ADAMTSL1: variants seen among roughly 807,000 people sequenced by gnomAD.
ADAMTSL1 encodes ADAMTS like 1.
In ADAMTSL1, 126 loss-of-function variants were observed where a neutral mutation model predicts 201.8. The observed-to-expected ratio is 0.62, with a 90% CI of 0.54 to 0.72. The LOEUF (loss-of-function observed/expected upper bound fraction) is 0.72. Ranked by LOEUF, ADAMTSL1 falls within the 30% of genes least tolerant of loss-of-function variation. ADAMTSL1 has a pLI of 0.00. For synonymous variants in ADAMTSL1, 1,121 were observed against 903.4 expected (o/e 1.24, Z -4.32); for missense variants, 2,679 against 2,277.8 (o/e 1.18, Z -3.59).
intron 2 of ADAMTSL1, among the ~76,000 whole-genome samples, chr9:18,185,740 T>C (rs74689406): frequency 0.015 from 2,329 of 152,288 alleles, 63 homozygotes; most frequent in African/African-American, 0.052. Flanking sequence ...GTATAATCTT[T>C]GAAAGCATAA....
intron 2 of ADAMTSL1, among the ~76,000 whole-genome samples, chr9:18,338,458 GTT>G (rs144922289): frequency 6.6e-6 from 1 of 151,790 alleles, no homozygotes; most frequent in Non-Finnish European, 1.5e-5. Flanking sequence ...TTTGGCTTTT[GTT>G]TTTTTGAGAC....
intron 1 of ADAMTSL1, among the ~76,000 whole-genome samples, chr9:17,960,906 C>T (rs1817725273): frequency 6.6e-6 from 1 of 152,150 alleles, no homozygotes; most frequent in African/African-American, 2.4e-5. Context: ...ACCCATTTTT[C>T]CTTCCTTATC....
chr9:18,547,135 C>T (rs1463751708), intron 3 of ADAMTSL1, among the ~76,000 whole-genome samples: 1 of 151,778 alleles, frequency 6.6e-6, no homozygotes, highest in Non-Finnish European at 1.5e-5. Flanking sequence ...GCTCTAGGAG[C>T]AAATGAAAAT....
chr9:18,879,278 C>T (rs146018789), intron 23 of ADAMTSL1, among the ~76,000 whole-genome samples: 1 of 152,312 alleles, frequency 6.6e-6, no homozygotes, highest in East Asian at 1.9e-4. Flanking sequence ...CAAATATTCT[C>T]ACTTGCAAAT....
chr9:18,181,827 C>A (rs1828492643), intron 2 of ADAMTSL1, among the ~76,000 whole-genome samples: 3 of 151,270 alleles, frequency 2.0e-5, no homozygotes, highest in Non-Finnish European at 3.0e-5. Flanking sequence ...GCTATAAAGA[C>A]ACATGCACAC....
In ADAMTSL1 at chr9:18,646,903, T is replaced by G. The variant is rs560564784; in HGVS notation, c.834+7492T>G. Among the ~76,000 whole-genome samples, 5 of 152,258 alleles carry G rather than the reference T, an allele frequency of 3.3e-5. No homozygotes were observed. The South Asian group carries it at 1.0e-3, about 32-fold the overall frequency. Reference sequence around the variant, plus strand: ...TGGTATCAGGATGATGCAGGCCTCATCAAATGAGTTAGGGAGGATTCCCTC... The same window carrying G: ...TGGTATCAGGATGATGCAGGCCTCAGCAAATGAGTTAGGGAGGATTCCCTC... On this transcript the variant is annotated intron_variant, in intron 7 of 28. Transcript: ENST00000380548.
intron 2 of ADAMTSL1, among the ~76,000 whole-genome samples, chr9:18,319,916 C>T (rs573691783): frequency 1.3e-5 from 2 of 152,136 alleles, no homozygotes; most frequent in African/African-American, 4.8e-5. Context: ...CGGCTGGAGT[C>T]AGAGAAACAT....
At chr9:18,355,913 G>C (rs147332756) in intron 2 of ADAMTSL1, among the ~76,000 whole-genome samples, 58 of 152,326 alleles carry the variant, frequency 3.8e-4, no homozygotes, top group African/African-American at 1.3e-3. Context: ...TACTTTGCAA[G>C]CTGGGGACCT....
In ADAMTSL1 at chr9:18,417,374, A is replaced by AG. The variant is rs1358001872; in HGVS notation, c.208-87455_208-87454insG. ...GAGAACTAAAGTAAGCAGGAAAAAA[A>AG]AAAAAAAGAAAAAAAAAACAAAGAT... On this transcript the variant is annotated intron_variant, in intron 2 of 29. Coordinates refer to the ADAMTSL1 transcript ENST00000680146. Among the ~76,000 whole-genome samples the AG allele has an allele frequency of 8.7e-5, 13 of 148,892 alleles. 1 individual carries two copies. The South Asian group carries it at 1.7e-3, about 19-fold the overall frequency.
intron 18 of ADAMTSL1, 145 bp downstream of exon 18, chr9:18,776,041 C>G (rs1011861687): frequency 8.8e-7 from 1 of 1,140,030 alleles, no homozygotes; most frequent in African/African-American, 1.6e-5. Context: ...GGCAGGAGAG[C>G]TCAGCTGGAG....
At chr9:18,453,046 C>G (rs1465784493) in intron 2 of ADAMTSL1, among the ~76,000 whole-genome samples, 1 of 152,232 alleles carries the variant, frequency 6.6e-6, no homozygotes, top group East Asian at 1.9e-4. Flanking sequence ...CCCAGGCTGT[C>G]CATGACATCC....
At chr9:18,630,904 C>G (rs1333013464) in intron 5 of ADAMTSL1, among the ~76,000 whole-genome samples, 1 of 152,102 alleles carries the variant, frequency 6.6e-6, no homozygotes, top group East Asian at 1.9e-4. Context: ...ACCTCCACAG[C>G]CATTTGGTTC....
At chr9:17,934,902 TAAAAA>T (rs59536452) in intron 1 of ADAMTSL1, among the ~76,000 whole-genome samples, 1 of 143,712 alleles carries the variant, frequency 7.0e-6, no homozygotes, top group Non-Finnish European at 1.5e-5. Flanking sequence ...CTATTTCCTT[TAAAAA>T]AAAAAAAAAA....
intron 23 of ADAMTSL1, among the ~76,000 whole-genome samples, chr9:18,850,669 G>A (rs1034448351): frequency 3.3e-5 from 5 of 152,180 alleles, no homozygotes; most frequent in Non-Finnish European, 5.9e-5. Flanking sequence ...TAGAGGGATC[G>A]GGTAAGTTAA....
intron 14 of ADAMTSL1, among the ~76,000 whole-genome samples, chr9:18,712,336 G>A (rs1832669690): frequency 1.3e-5 from 2 of 152,076 alleles, no homozygotes; most frequent in South Asian, 4.1e-4. Context: ...AGGCAAAGAA[G>A]TTGAAAACTT....
intron 1 of ADAMTSL1, among the ~76,000 whole-genome samples, chr9:18,492,227 GAAA>G (rs1451209704): frequency 1.3e-5 from 2 of 151,818 alleles, no homozygotes; most frequent in African/African-American, 4.8e-5. Context: ...ATCACAGGAA[GAAA>G]AAAACATCAT....
chr9:18,099,843 G>T (rs1348108541), intron 1 of ADAMTSL1, among the ~76,000 whole-genome samples: 1 of 151,738 alleles, frequency 6.6e-6, no homozygotes, highest in African/African-American at 2.4e-5. Flanking sequence ...ACCCAGGATG[G>T]TCTCGATCTC....
At chr9:18,789,715 A>G (rs1356692501) in intron 19 of ADAMTSL1, among the ~76,000 whole-genome samples, 1 of 152,164 alleles carries the variant, frequency 6.6e-6, no homozygotes, top group Non-Finnish European at 1.5e-5. Context: ...ATAGCAGCAC[A>G]AGGAAATAGA....
intron 9 of ADAMTSL1, among the ~76,000 whole-genome samples, chr9:18,668,362 TCAGA>T (rs1400792989): frequency 6.6e-6 from 1 of 152,168 alleles, no homozygotes; most frequent in Non-Finnish European, 1.5e-5. Flanking sequence ...CCACACATCA[TCAGA>T]CAATCACATA....
Sources: gnomAD v4.1 joint callset for allele counts (sites outside exome capture counted in the v4.1 genomes callset) on GRCh38, gnomAD v4.1.1 for gene constraint, MANE v1.5 for transcripts, NCBI Gene and HGNC (gene_info 2026-07-23, HGNC 2026-07-21) for gene names.